Variants in ELMO1 observed in about 807,000 individuals in gnomAD.
The protein encoded by ELMO1 is engulfment and cell motility 1.
A neutral mutation model predicts 98.9 loss-of-function variants in ELMO1; 26 were observed. The observed-to-expected ratio is 0.26, with a 90% CI of 0.19 to 0.36. The LOEUF is 0.36. Among genes scored for constraint, ELMO1 ranks in the 10% least tolerant of loss-of-function variants. The pLI is 1.00. For synonymous variants in ELMO1, 346 were observed against 346.0 expected (o/e 1.00, Z 0.00); for missense variants, 627 against 935.2 (o/e 0.67, Z 4.30).
chr7:36,928,384 G>T (rs895073758), intron 16 of ELMO1, among the ~76,000 whole-genome samples: 2 of 152,166 alleles, frequency 1.3e-5, no homozygotes, highest in African/African-American at 4.8e-5. Context: ...AAATCATTTA[G>T]TGTAACCAGT....
At chr7:37,371,435 G>C (rs1365905887) in intron 1 of ELMO1, among the ~76,000 whole-genome samples, 1 of 151,950 alleles carries the variant, frequency 6.6e-6, no homozygotes, top group Non-Finnish European at 1.5e-5. Context: ...ACTTAATAAA[G>C]GTTTAACATT....
chr7:37,230,208 G>A (rs1278466952), intron 8 of ELMO1, among the ~76,000 whole-genome samples: 1 of 152,074 alleles, frequency 6.6e-6, no homozygotes, highest in Non-Finnish European at 1.5e-5. Context: ...AGAAAGCCAC[G>A]TTTCTGCCTT....
At chr7:37,258,437 AAAT>A (rs1463142411) in intron 6 of ELMO1, among the ~76,000 whole-genome samples, 1 of 133,320 alleles carries the variant, frequency 7.5e-6, no homozygotes, top group Non-Finnish European at 1.6e-5. Flanking sequence ...ACTCCATCTC[AAAT>A]AAAAAAAAAT....
chr7:37,294,115 A>G (rs917510000), intron 4 of ELMO1, among the ~76,000 whole-genome samples: 1 of 128,264 alleles, frequency 7.8e-6, no homozygotes, highest in South Asian at 2.2e-4. Context: ...ATCAATACAA[A>G]TCTGGAACTA....
intron 15 of ELMO1, among the ~76,000 whole-genome samples, chr7:37,065,655 C>A (rs1796917393): frequency 6.6e-6 from 1 of 152,136 alleles, no homozygotes; most frequent in Non-Finnish European, 1.5e-5. Context: ...TTAGTACCAA[C>A]CCACATGGAA....
intron 1 of ELMO1, among the ~76,000 whole-genome samples, chr7:37,414,328 A>T (rs1804121752): frequency 6.6e-6 from 1 of 152,218 alleles, no homozygotes; most frequent in African/African-American, 2.4e-5. Flanking sequence ...GGACAACTAC[A>T]GAAATATTCA....
At chr7:37,026,172 G>A (rs1033268912) in intron 15 of ELMO1, among the ~76,000 whole-genome samples, 1 of 152,118 alleles carries the variant, frequency 6.6e-6, no homozygotes, top group African/African-American at 2.4e-5. Flanking sequence ...ATAAGTAATT[G>A]CCTGTCCAAC....
Position 36,914,461 on chromosome 7 carries a change from T to C in ELMO1, c.1438-19444A>G, listed in dbSNP as rs1784550207. On this transcript the variant is annotated intron_variant, in intron 16 of 21. Coordinates refer to ENST00000310758, the MANE Select transcript of ELMO1 (RefSeq NM_014800.11). ...TAGAGTAATTACGTAAAATAGATCA[T>C]GCATATGAAAGCACTTTGTACAACG... Among the ~76,000 whole-genome samples, 3 of 152,150 alleles carry C rather than the reference T, an allele frequency of 2.0e-5. No homozygotes were observed. The South Asian group carries it at 6.2e-4, about 31-fold the overall frequency.
intron 10 of ELMO1, among the ~76,000 whole-genome samples, chr7:37,218,832 T>C (rs1485246052): frequency 6.6e-6 from 1 of 152,210 alleles, no homozygotes; most frequent in Non-Finnish European, 1.5e-5. Flanking sequence ...TCTGGGAATA[T>C]AATTACAGGA....
chr7:36,957,737 A>G (rs1225286074), intron 16 of ELMO1, among the ~76,000 whole-genome samples: 1 of 152,218 alleles, frequency 6.6e-6, no homozygotes, highest in Non-Finnish European at 1.5e-5. Context: ...TCCTGACAAG[A>G]TAAGTAAACA....
intron 2 of ELMO1, among the ~76,000 whole-genome samples, chr7:37,319,165 C>T (rs1799354166): frequency 6.6e-6 from 1 of 152,142 alleles, no homozygotes; most frequent in Non-Finnish European, 1.5e-5. Context: ...TTTAACTCTC[C>T]TGCAGGTATC....
intron 15 of ELMO1, among the ~76,000 whole-genome samples, chr7:37,059,624 T>C (rs1467642621): frequency 6.6e-6 from 1 of 152,186 alleles, no homozygotes; most frequent in Non-Finnish European, 1.5e-5. Context: ...ATTCAGACTT[T>C]AATGGCCACT....
intron 1 of ELMO1, among the ~76,000 whole-genome samples, chr7:37,358,790 G>A (rs945470585): frequency 5.3e-5 from 8 of 152,114 alleles, no homozygotes; most frequent in Admixed American, 6.6e-5. Flanking sequence ...TGTTAAGCCC[G>A]GGCACAAGCT....
At chr7:37,082,913 T>G (rs1205859095) in intron 15 of ELMO1, among the ~76,000 whole-genome samples, 1 of 152,194 alleles carries the variant, frequency 6.6e-6, no homozygotes, top group African/African-American at 2.4e-5. Flanking sequence ...CAAAATGGAA[T>G]AGTCAGTTCA....
chr7:37,289,734 T>C (rs1797577438), intron 4 of ELMO1, among the ~76,000 whole-genome samples: 1 of 151,898 alleles, frequency 6.6e-6, no homozygotes, highest in East Asian at 1.9e-4. Context: ...TTCACTTGCA[T>C]TGCATTCGAG....
chr7:37,263,171 A>G (rs1264570426), intron 5 of ELMO1, among the ~76,000 whole-genome samples: 1 of 152,026 alleles, frequency 6.6e-6, no homozygotes, highest in African/African-American at 2.4e-5. Flanking sequence ...AGTGGGAATC[A>G]AAGTTTTTAT....
intron 1 of ELMO1, among the ~76,000 whole-genome samples, chr7:37,356,761 A>T (rs1032535359): frequency 6.9e-6 from 1 of 145,806 alleles, no homozygotes; most frequent in African/African-American, 2.5e-5. Flanking sequence ...AAGTATAATT[A>T]AAAAAAAAAA....
intron 5 of ELMO1, among the ~76,000 whole-genome samples, chr7:37,263,071 A>G (rs914406539): frequency 2.0e-5 from 3 of 152,122 alleles, no homozygotes; most frequent in African/African-American, 7.2e-5. Context: ...TATTTTTCCA[A>G]TTGGATCCAG....
In ELMO1 at chr7:37,435,669, AT is replaced by A. The variant is rs538881461; in HGVS notation, c.-74+13005del. ...CAGACGCCGAGTCTCAGACTGTTTC[AT>A]TACACACTTGCACATGCTAGAATGG... On this transcript the variant is annotated intron_variant, in intron 1 of 21. Transcript: ENST00000310758. Among the ~76,000 whole-genome samples, 37 of 152,348 alleles carry A rather than the reference AT, an allele frequency of 2.4e-4. 1 individual carries two copies. In the South Asian group the frequency reaches 7.5e-3, roughly 31 times the overall value.
Sources: gnomAD v4.1 joint callset for allele counts (sites outside exome capture counted in the v4.1 genomes callset) on GRCh38, gnomAD v4.1.1 for gene constraint, MANE v1.5 for transcripts, NCBI Gene and HGNC (gene_info 2026-07-23, HGNC 2026-07-21) for gene names.